AGAP1: variants seen among roughly 807,000 people sequenced by gnomAD.
AGAP1 encodes the protein arf-GAP with GTPase, ANK repeat and PH domain-containing protein 1.
Under a neutral mutation model 105.3 loss-of-function variants are expected in AGAP1, and 29 were observed. The observed-to-expected ratio is 0.28, with a 90% CI of 0.21 to 0.38. The LOEUF (loss-of-function observed/expected upper bound fraction) is 0.38, where lower values mean the gene tolerates loss of function less well. Among genes scored for constraint, AGAP1 ranks in the 10% least tolerant of loss-of-function variants. The pLI is 1.00. For missense variants in AGAP1, 998 were observed against 1,165.1 expected, an observed-to-expected ratio of 0.86 and a Z score of 2.09; for synonymous variants, 509 against 485.9, an observed-to-expected ratio of 1.05 and a Z score of -0.63.
chr2:235,513,522 GAAAAAAAAA>G (rs5839595), intron 1 of AGAP1, among the ~76,000 whole-genome samples: 10 of 73,228 alleles, frequency 1.4e-4, no homozygotes, highest in South Asian at 5.8e-4. Flanking sequence ...CTCCGTCTCA[GAAAAAAAAA>G]AAAAAAAAAA....
intron 1 of AGAP1, among the ~76,000 whole-genome samples, chr2:235,536,635 A>ATG (rs1943244603): frequency 1.5e-5 from 1 of 65,444 alleles, no homozygotes; most frequent in African/African-American, 6.2e-5. Context: ...CTTCACACAC[A>ATG]CACACACACA....
At chr2:235,700,000 C>T (rs1006578872) in intron 1 of AGAP1, among the ~76,000 whole-genome samples, 1 of 152,184 alleles carries the variant, frequency 6.6e-6, no homozygotes, top group African/African-American at 2.4e-5. Context: ...CATCTGTGAA[C>T]AAGCTTGTAC....
chr2:235,995,065 CAAAAAAAAAA>C (rs58097220), intron 13 of AGAP1, among the ~76,000 whole-genome samples: 42 of 60,962 alleles, frequency 6.9e-4, no homozygotes, highest in Middle Eastern at 0.018. Context: ...GACTCTGTCT[CAAAAAAAAAA>C]AAAAAAAAAA....
At chr2:235,684,454 C>T (rs1343916648) in intron 1 of AGAP1, among the ~76,000 whole-genome samples, 2 of 152,166 alleles carry the variant, frequency 1.3e-5, no homozygotes, top group African/African-American at 4.8e-5. Context: ...CAGAATGTCC[C>T]ATTTACACAT....
chr2:235,609,393 C>T lies in AGAP1; in HGVS notation c.164-99786C>T, dbSNP rs1236068231. ...GAGCTTCAGAATGAGCGGGAAGCCT[C>T]CACAACAGGTGGAGAAAATAGCAAG... On this transcript the variant is annotated intron_variant, in intron 1 of 17. Transcript: ENST00000304032. This position sits in a 1 kb window ranked among gnomAD's most constrained non-coding sequence, Gnocchi z 5.1. Among the ~76,000 whole-genome samples the T allele has an allele frequency of 6.6e-6, 1 of 152,090 alleles. No homozygotes were observed. Among genetic ancestry groups the T allele is most frequent in the African/African-American group, 2.4e-5 (1 of 41,396 alleles).
In AGAP1 at chr2:235,797,903, G is replaced by T; in HGVS notation, c.801+17G>T. ...ATCAGCCAGGTACGTTAGGTGACATGAGAAGTCAGACTCTTAGAACCAAAG... is the reference window on the plus strand; with the variant it reads ...ATCAGCCAGGTACGTTAGGTGACATTAGAAGTCAGACTCTTAGAACCAAAG... On this transcript the variant is annotated intron_variant, in intron 7 of 17. Transcript: ENST00000304032. 1 of 1,613,846 alleles carries T rather than the reference G, an allele frequency of 6.2e-7. No homozygotes were observed. The highest frequency in any genetic ancestry group is 8.5e-7 in the Non-Finnish European group (1 of 1,179,922).
chr2:236,127,756 T>A lies in AGAP1; in HGVS notation c.*3634T>A, dbSNP rs2060025039. ...AACCTTGTTAGGGAGAAACATGGTC[T>A]AATGAGAAAGACAGACCCCTAGGCT... On this transcript the variant is annotated 3_prime_UTR_variant, in exon 18 of 18. Coordinates refer to ENST00000304032, the MANE Select transcript of AGAP1 (RefSeq NM_001037131.3). This position sits in a 1 kb window ranked among gnomAD's most constrained non-coding sequence, Gnocchi z 6.6. The A allele has an allele frequency of 1.3e-5, 2 of 152,234 alleles. No individual in the cohort carries two copies. The highest frequency in any genetic ancestry group is 4.1e-4 in the South Asian group (2 of 4,828). 9.4% of individuals were successfully genotyped at this position (152,234 alleles called of 1,614,324 possible).
Position 235,830,874 on chromosome 2 carries a change from G to A in AGAP1, c.1050+23543G>A, listed in dbSNP as rs1959272125. Among the ~76,000 whole-genome samples, 1 of 152,200 alleles carries A rather than the reference G, an allele frequency of 6.6e-6. No individual in the cohort carries two copies. Among genetic ancestry groups the A allele is most frequent in the African/African-American group, 2.4e-5 (1 of 41,454 alleles). ...TAGTCAACTCCTAACTAATAGAGTA[G>A]TTATTAGCTGGTTAGTTGTCTGCAG... On this transcript the variant is annotated intron_variant, in intron 9 of 17. Coordinates refer to ENST00000304032, the MANE Select transcript of AGAP1 (RefSeq NM_001037131.3). The surrounding 1 kb of genome is among the most constrained non-coding windows in gnomAD (Gnocchi z 5.5).
At chr2:235,762,826 T>G (rs1014021118) in intron 6 of AGAP1, among the ~76,000 whole-genome samples, 3 of 152,086 alleles carry the variant, frequency 2.0e-5, no homozygotes, top group Admixed American at 1.3e-4. Flanking sequence ...TGAGCTGAGA[T>G]CGTGGCACTG....
In AGAP1 at chr2:235,807,406, C is replaced by T; in HGVS notation, c.1050+75C>T. 5.1e-6 allele frequency: 7 copies of T among 1,367,162 alleles called. No individual in the cohort carries two copies. The East Asian group carries it at 9.7e-5, about 19-fold the overall frequency. 84.7% of individuals were successfully genotyped at this position (1,367,162 alleles called of 1,614,324 possible). A position where few individuals can be genotyped will look rare whatever the true frequency, so the allele number is the denominator to read the frequency against. ...GGTCTTCCTGGAGATGATGCTGGCT[C>T]TCGCACCAAGGTCTGTCTGATGTGC... On this transcript the variant is annotated intron_variant, in intron 9 of 17. Transcript: ENST00000304032.
Position 235,729,544 on chromosome 2 carries a change from T to C in AGAP1, c.311-11419T>C, listed in dbSNP as rs1259638372. On this transcript the variant is annotated intron_variant, in intron 3 of 17. Coordinates refer to ENST00000304032, the MANE Select transcript of AGAP1 (RefSeq NM_001037131.3). This position sits in a 1 kb window ranked among gnomAD's most constrained non-coding sequence, Gnocchi z 5.0. ...CCTCTGCCACCTGTGGATGAGAGGC[T>C]GGACCGGGTCTTGGTGCTTTCCAGC... Among the ~76,000 whole-genome samples, 2 of 152,158 alleles carry C rather than the reference T, an allele frequency of 1.3e-5. No homozygotes were observed. The highest frequency in any genetic ancestry group is 2.9e-5 in the Non-Finnish European group (2 of 68,048).
Position 235,725,592 on chromosome 2 carries a change from G to A in AGAP1, c.310+7948G>A, listed in dbSNP as rs1467111233. Among the ~76,000 whole-genome samples, 1 of 151,516 alleles carries A rather than the reference G, an allele frequency of 6.6e-6. No homozygotes were observed. Among genetic ancestry groups the A allele is most frequent in the Non-Finnish European group, 1.5e-5 (1 of 67,966 alleles). Reference sequence around the variant, plus strand: ...CATTTAGATTTTTCAACCTCAATTTGACCGTTAGTTGCAACCAAGTGATTA... The same window carrying A: ...CATTTAGATTTTTCAACCTCAATTTAACCGTTAGTTGCAACCAAGTGATTA... On this transcript the variant is annotated intron_variant, in intron 3 of 17. Coordinates refer to ENST00000304032, the MANE Select transcript of AGAP1 (RefSeq NM_001037131.3). The surrounding 1 kb of genome is among the most constrained non-coding windows in gnomAD (Gnocchi z 5.7).
rs2056422334 is a variant in AGAP1, at chr2:236,009,124, A to T, written c.1646-27437A>T. Reference sequence around the variant, plus strand: ...CATCATGTCAAGCCCCTTCACAGCTAAAGTAGTGAGTTCACATAGTCGAAG... The same window carrying T: ...CATCATGTCAAGCCCCTTCACAGCTTAAGTAGTGAGTTCACATAGTCGAAG... On this transcript the variant is annotated intron_variant, in intron 13 of 17. Coordinates refer to ENST00000304032, the MANE Select transcript of AGAP1 (RefSeq NM_001037131.3). The surrounding 1 kb of genome is among the most constrained non-coding windows in gnomAD (Gnocchi z 4.2). Among the ~76,000 whole-genome samples the T allele has an allele frequency of 6.6e-6, 1 of 152,196 alleles. No homozygotes were observed. The highest frequency in any genetic ancestry group is 2.4e-5 in the African/African-American group (1 of 41,440).
intron 1 of AGAP1, among the ~76,000 whole-genome samples, chr2:235,497,517 G>T (rs1215086686): frequency 6.6e-6 from 1 of 152,232 alleles, no homozygotes; most frequent in Admixed American, 6.5e-5. Flanking sequence ...TCCAGCTAGG[G>T]ATTTTTTCCC....
chr2:235,545,049 C>T (rs914170788), intron 1 of AGAP1, among the ~76,000 whole-genome samples: 3 of 152,164 alleles, frequency 2.0e-5, no homozygotes, highest in Admixed American at 6.5e-5. Context: ...ACCTTCCGTC[C>T]CAACCTTCCA....
rs1452236269 is a variant in AGAP1 at position 235,961,479 on chromosome 2, G to A, written c.1484-6983G>A. On this transcript the variant is annotated intron_variant, in intron 12 of 17. Coordinates refer to ENST00000304032, the MANE Select transcript of AGAP1 (RefSeq NM_001037131.3). The surrounding 1 kb of genome is among the most constrained non-coding windows in gnomAD (Gnocchi z 5.9). The stretch of plus-strand genomic sequence containing the variant: ...AGGACACACCAGTGGTTGGTGGGAT[G>A]TGAGCGGGACTGGAGTGAGGCCAGC... 1.3e-5 allele frequency among the ~76,000 whole-genome samples: 2 copies of A among 152,244 alleles called. No individual in the cohort carries two copies. The highest frequency in any genetic ancestry group is 4.8e-5 in the African/African-American group (2 of 41,466).
rs1164671486 is a variant in AGAP1, at chr2:236,090,550, C to CG, written c.2115-29637dup. Among the ~76,000 whole-genome samples the CG allele has an allele frequency of 6.6e-6, 1 of 152,078 alleles. No individual in the cohort carries two copies. Among genetic ancestry groups the CG allele is most frequent in the Non-Finnish European group, 1.5e-5 (1 of 68,012 alleles). ...CGGGCTTTGCCAAGCGAGTGAGAGG[C>CG]GGGGGTCGGAGGGAGGCCTTCCTCC... On this transcript the variant is annotated intron_variant, in intron 16 of 17. Coordinates refer to ENST00000304032, the MANE Select transcript of AGAP1 (RefSeq NM_001037131.3). The surrounding 1 kb of genome is among the most constrained non-coding windows in gnomAD (Gnocchi z 4.3).
rs1045401333 is a variant in AGAP1, at chr2:235,624,021, A to G, written c.164-85158A>G. The stretch of plus-strand genomic sequence containing the variant: ...ACAGAAGAACACCAAAATAAGGCCA[A>G]CCTGCTCCCAGGCTGAATCCAGGAG... On this transcript the variant is annotated intron_variant, in intron 1 of 17. Coordinates refer to ENST00000304032, the MANE Select transcript of AGAP1 (RefSeq NM_001037131.3). Among the ~76,000 whole-genome samples the G allele has an allele frequency of 2.6e-5, 4 of 152,272 alleles. No homozygotes were observed. The South Asian group carries it at 8.3e-4, about 32-fold the overall frequency.
At chr2:235,537,359 A>C (rs1283031244) in intron 1 of AGAP1, among the ~76,000 whole-genome samples, 1 of 152,160 alleles carries the variant, frequency 6.6e-6, no homozygotes, top group South Asian at 2.1e-4. Context: ...CTGAGGAAGC[A>C]CAGAGCTTGA....
Sources: gnomAD v4.1 joint callset for allele counts (sites outside exome capture counted in the v4.1 genomes callset) on GRCh38, gnomAD v4.1.1 for gene constraint, Gnocchi (gnomAD v3.1) non-coding constraint, MANE v1.5 for transcripts, NCBI Gene and HGNC (gene_info 2026-07-23, HGNC 2026-07-21) for gene names.